GSDMC: variants seen among roughly 807,000 people sequenced by gnomAD.
The protein encoded by GSDMC is gasdermin C.
Under a neutral mutation model 58.0 loss-of-function variants are expected in GSDMC, and 59 were observed. The ratio of observed to expected loss-of-function variants is 1.02; its 90% CI spans 0.82 to 1.26. The LOEUF (loss-of-function observed/expected upper bound fraction) is 1.26, where lower values mean the gene tolerates loss of function less well. Ranked by LOEUF, GSDMC falls within the 50% of genes most tolerant of loss-of-function variation. The pLI is 0.00. For missense variants in GSDMC, 659 were observed against 598.5 expected, an observed-to-expected ratio of 1.10 and a Z score of -1.06; for synonymous variants, 241 against 220.2, an observed-to-expected ratio of 1.09 and a Z score of -0.83.
chr8:129,746,644 A>C (rs1405421528), downstream of GSDMC, among the ~76,000 whole-genome samples: 1 of 152,230 alleles, frequency 6.6e-6, no homozygotes, highest in East Asian at 1.9e-4. Flanking sequence ...TTCAAGGATG[A>C]AGAAAGAATT....
At chr8:129,717,422 G>T in the GSDMC span, among the ~76,000 whole-genome samples, 2 of 151,912 alleles carry the variant, frequency 1.3e-5, no homozygotes, top group African/African-American at 4.8e-5. Context: ...TTGTGTAGAG[G>T]TTTGTATTTC....
At chr8:129,775,498 T>C (rs1563811258) in intron 3 of GSDMC, among the ~76,000 whole-genome samples, 2 of 152,104 alleles carry the variant, frequency 1.3e-5, no homozygotes, top group East Asian at 3.9e-4. Flanking sequence ...AGAGAGTAGA[T>C]ATTAAACGTT....
downstream of GSDMC, among the ~76,000 whole-genome samples, chr8:129,743,286 T>G (rs978089023): frequency 1.3e-5 from 2 of 152,224 alleles, no homozygotes; most frequent in African/African-American, 4.8e-5. Flanking sequence ...TTTTGTTTTT[T>G]GTGCTTCAGT....
Position 129,765,775 on chromosome 8 carries a change from C to T in GSDMC, c.423G>A (p.Glu141=), listed in dbSNP as rs747517565. ...TCCGGCACTCCTTCAGAAATGATGG[C>T]TCTGGATCCAACAGTTTCCTGGGGA... ...DFQKRKLLDP[E]PSFLKECRRR... The change falls in exon 4 of 14, where the codon GAG becomes GAA. Residue 141 remains glutamate (E), a synonymous_variant. Coordinates refer to ENST00000276708, the MANE Select transcript of GSDMC (RefSeq NM_031415.3). 6.2e-7 allele frequency: 1 copy of T among 1,613,882 alleles called. No individual in the cohort carries two copies. The highest frequency in any genetic ancestry group is 1.1e-5 in the South Asian group (1 of 91,034).
intron 3 of GSDMC, among the ~76,000 whole-genome samples, chr8:129,770,755 T>C (rs1344678476): frequency 2.0e-5 from 3 of 151,796 alleles, no homozygotes; most frequent in Middle Eastern, 3.2e-3. Context: ...CATAAAACAA[T>C]TAAAATGACA....
the GSDMC span, among the ~76,000 whole-genome samples, chr8:129,731,437 TC>T: frequency 1.3e-5 from 2 of 152,346 alleles, no homozygotes; most frequent in Admixed American, 6.5e-5. Context: ...GGACAGGAAC[TC>T]TCAGTAGATG....
intron 4 of GSDMC, among the ~76,000 whole-genome samples, chr8:129,763,571 T>A (rs1278963547): frequency 6.6e-6 from 1 of 152,134 alleles, no homozygotes; most frequent in Non-Finnish European, 1.5e-5. Context: ...CCTCGACTGA[T>A]CCTCAAGTTT....
At chr8:129,732,174 C>G in the GSDMC span, among the ~76,000 whole-genome samples, 29,927 of 151,952 alleles carry the variant, frequency 0.2, 3,480 homozygotes, top group Middle Eastern at 0.27. Context: ...TGCTAGCTTG[C>G]TTTCTGTATG....
chr8:129,778,929 G>A (rs967069012), intron 1 of GSDMC, among the ~76,000 whole-genome samples: 2 of 152,034 alleles, frequency 1.3e-5, no homozygotes, highest in Non-Finnish European at 2.9e-5. Flanking sequence ...ACACAAGTCT[G>A]AATAGCTATT....
the GSDMC span, chr8:129,706,988 G>A: frequency 2.0e-5 from 3 of 152,166 alleles, no homozygotes; most frequent in Admixed American, 6.5e-5. Flanking sequence ...TAATAATAAA[G>A]TGTTCTCTCT....
the GSDMC span, among the ~76,000 whole-genome samples, chr8:129,728,568 T>TC: frequency 6.6e-6 from 1 of 151,950 alleles, no homozygotes; most frequent in African/African-American, 2.4e-5. Context: ...GAGCACCACC[T>TC]CCCCCCAGGG....
the GSDMC span, among the ~76,000 whole-genome samples, chr8:129,706,191 A>G: frequency 1.3e-5 from 2 of 152,170 alleles, no homozygotes; most frequent in East Asian, 3.8e-4. Flanking sequence ...CAGATTTTCT[A>G]TTTCTCAGAC....
the GSDMC span, among the ~76,000 whole-genome samples, chr8:129,708,059 C>G: frequency 6.6e-6 from 1 of 152,168 alleles, no homozygotes; most frequent in East Asian, 1.9e-4. Flanking sequence ...ACTGTGGACA[C>G]CCATACTGTG....
intron 3 of GSDMC, among the ~76,000 whole-genome samples, chr8:129,772,047 G>A (rs955870992): frequency 4.9e-4 from 74 of 152,222 alleles, no homozygotes; most frequent in African/African-American, 1.7e-3. Flanking sequence ...GGCAGATCAT[G>A]AGGTCAGGAG....
At chr8:129,753,045 T>C (rs969243480) in intron 6 of GSDMC, among the ~76,000 whole-genome samples, 2 of 152,178 alleles carry the variant, frequency 1.3e-5, no homozygotes, top group African/African-American at 4.8e-5. Flanking sequence ...GAGTCCTAGG[T>C]AAACTTAAAG....
intron 6 of GSDMC, among the ~76,000 whole-genome samples, chr8:129,757,303 A>G (rs915440590): frequency 1.3e-5 from 2 of 152,048 alleles, no homozygotes; most frequent in African/African-American, 4.8e-5. Context: ...AAATCTAGAG[A>G]AAAATGATAC....
At chr8:129,751,096 A>G (rs1336512027) in intron 10 of GSDMC, among the ~76,000 whole-genome samples, 1 of 152,132 alleles carries the variant, frequency 6.6e-6, no homozygotes, top group Admixed American at 6.5e-5. Context: ...ACATAGTGAG[A>G]CCCCATCTCA....
At chr8:129,773,728 G>A (rs567582494) in intron 3 of GSDMC, among the ~76,000 whole-genome samples, 2 of 150,606 alleles carry the variant, frequency 1.3e-5, no homozygotes, top group South Asian at 2.1e-4. Flanking sequence ...AGAGGTTGCA[G>A]TGAGCCGAGA....
At chr8:129,720,190 AC>A in the GSDMC span, among the ~76,000 whole-genome samples, 1 of 152,198 alleles carries the variant, frequency 6.6e-6, no homozygotes, top group African/African-American at 2.4e-5. Context: ...CAAAGTCAAT[AC>A]TTCCCAATAT....
Sources: allele counts gnomAD v4.1 joint callset (sites outside exome capture counted in the v4.1 genomes callset), GRCh38; gene constraint gnomAD v4.1.1; transcripts MANE v1.5; gene names NCBI Gene and HGNC (gene_info 2026-07-23, HGNC 2026-07-21).